Variants in SMC6 observed in about 807,000 individuals in gnomAD.
SMC6 encodes structural maintenance of chromosomes protein 6.
In SMC6, 79 loss-of-function variants were observed where a neutral mutation model predicts 142.2. The observed-to-expected ratio is 0.56, with a 90% CI of 0.46 to 0.67. The LOEUF is 0.67. SMC6 is among the 30% of genes least tolerant of loss of function. The pLI, the probability that SMC6 is intolerant of heterozygous loss-of-function variation, is 0.00. For synonymous variants in SMC6, 411 were observed against 412.4 expected (o/e 1.00, Z 0.04); for missense variants, 1,072 against 1,284.0 (o/e 0.83, Z 2.52).
intron 18 of SMC6, among the ~76,000 whole-genome samples, chr2:17,707,000 G>A (rs931663517): frequency 2.0e-5 from 3 of 152,172 alleles, no homozygotes; most frequent in African/African-American, 7.2e-5. Flanking sequence ...GAGGGAATAC[G>A]TTCTGGATTA....
At chr2:17,668,938 G>A (rs1276286897) in intron 26 of SMC6, among the ~76,000 whole-genome samples, 1 of 152,186 alleles carries the variant, frequency 6.6e-6, no homozygotes, top group Non-Finnish European at 1.5e-5. Context: ...CTGTAGAAAT[G>A]TAAACCTGCC....
chr2:17,733,561 T>C (rs1433015508), intron 5 of SMC6, among the ~76,000 whole-genome samples: 2 of 152,242 alleles, frequency 1.3e-5, no homozygotes, highest in Non-Finnish European at 2.9e-5. Context: ...AATTGTACTA[T>C]CTTTGCAACA....
chr2:17,683,833 CAG>C, intron 23 of SMC6, 70 bp from the exon 24 acceptor site: 1 of 1,405,924 alleles, frequency 7.1e-7, no homozygotes, highest in Admixed American at 1.8e-5. Context: ...GAATCTCAAA[CAG>C]ATTTAACTGG....
intron 20 of SMC6, 149 bp from the exon 21 acceptor site, chr2:17,700,527 C>A: frequency 1.7e-6 from 1 of 579,702 alleles, no homozygotes. Context: ...TATTTTTATA[C>A]TCTTAATGGT....
chr2:17,719,894 G>A (rs978933015), intron 11 of SMC6, among the ~76,000 whole-genome samples: 1 of 152,150 alleles, frequency 6.6e-6, no homozygotes, highest in African/African-American at 2.4e-5. Context: ...CTTGGAGGCA[G>A]ACAGGAAAAA....
Position 17,752,979 on chromosome 2 carries a change from T to A in SMC6, c.-7A>T. The stretch of plus-strand genomic sequence containing the variant: ...CTCTAAGAATTTTCACAGTATTACC[T>A]CAAACCCTATTGGTTCTACAACCTT... On this transcript the variant is annotated splice_region_variant and 5_prime_UTR_variant, in exon 2 of 28. It removes the in-frame stop codon of an upstream open reading frame in the 5' UTR. Transcript: ENST00000448223. 1.0e-6 allele frequency: 1 copy of A among 981,246 alleles called. No homozygotes were observed. The allele number at this position is 981,246 out of a possible 1,614,324, so 60.8% of individuals were successfully genotyped here.
At chr2:17,689,291 T>C (rs1157177860) in intron 23 of SMC6, among the ~76,000 whole-genome samples, 5 of 152,048 alleles carry the variant, frequency 3.3e-5, no homozygotes, top group African/African-American at 1.2e-4. Context: ...CAAAGAGCAT[T>C]CTGTAAAAGA....
At chr2:17,713,815 C>A (rs1385053517) in intron 16 of SMC6, among the ~76,000 whole-genome samples, 1 of 152,222 alleles carries the variant, frequency 6.6e-6, no homozygotes, top group Non-Finnish European at 1.5e-5. Context: ...GCATTTTGCA[C>A]ACAGAATTCT....
intron 26 of SMC6, among the ~76,000 whole-genome samples, chr2:17,668,986 C>T (rs370662227): frequency 1.1e-4 from 17 of 152,244 alleles, no homozygotes; most frequent in African/African-American, 4.1e-4. Flanking sequence ...GAGCCACATG[C>T]AAGCCTGGGA....
At chr2:17,742,522 C>CTT (rs1215372837) in intron 3 of SMC6, among the ~76,000 whole-genome samples, 4 of 152,162 alleles carry the variant, frequency 2.6e-5, no homozygotes, top group Middle Eastern at 6.3e-3. Context: ...GTCACTTGCA[C>CTT]TTTGTAGTTA....
intron 24 of SMC6, chr2:17,681,779 G>GA (rs369336519): frequency 6.6e-6 from 1 of 152,072 alleles, no homozygotes; most frequent in African/African-American, 2.4e-5. Context: ...TAATAATAAT[G>GA]AAAAAGTCTG....
Position 17,726,375 on chromosome 2 carries a change from T to C in SMC6, c.624+14A>G, listed in dbSNP as rs370024880. 104 of 1,596,854 alleles carry C rather than the reference T, an allele frequency of 6.5e-5. No individual in the cohort carries two copies. The highest frequency in any genetic ancestry group is 1.0e-4 in the Admixed American group (6 of 58,704). Reference sequence around the variant, plus strand: ...CTTTTTAAATGGGTTTATATTTACTTTGGTGCCACTTACTTTGTATTTGTC... The same window carrying C: ...CTTTTTAAATGGGTTTATATTTACTCTGGTGCCACTTACTTTGTATTTGTC... On this transcript the variant is annotated intron_variant, in intron 8 of 27. Transcript: ENST00000448223.
In SMC6 at chr2:17,716,760, C is replaced by T. The variant is rs770225535; in HGVS notation, c.1327G>A (p.Glu443Lys). ...ACTTACTTAATTTTGCCATGTTCTTCTTTGTCCTTTTCTATGGCTTGCTGA... is the reference window on the plus strand; with the variant it reads ...ACTTACTTAATTTTGCCATGTTCTTTTTTGTCCTTTTCTATGGCTTGCTGA... ...QFQQAIEKDK[E>K]EHGKIKREEL... Residue 443 changes from glutamate (E) to lysine (K), a missense_variant, in exon 14 of 28, where the codon GAA becomes AAA. By Grantham distance (56) the Glu-to-Lys change is moderately conservative. Around this residue, in one of 3 missense-constraint regions of SMC6, gnomAD observed 994 missense variants for 1,153.2 expected, o/e 0.86. Transcript: ENST00000448223. 2 of 1,606,084 alleles carry T rather than the reference C, an allele frequency of 1.2e-6. No individual in the cohort carries two copies. The highest frequency in any genetic ancestry group is 1.7e-6 in the Non-Finnish European group (2 of 1,178,050).
At chr2:17,712,812 G>A (rs1256399689) in intron 16 of SMC6, among the ~76,000 whole-genome samples, 1 of 152,106 alleles carries the variant, frequency 6.6e-6, no homozygotes, top group African/African-American at 2.4e-5. Context: ...TACAAGGCAG[G>A]TAAAGTTAAC....
chr2:17,716,641 A>AT (rs2124998504), intron 14 of SMC6, 100 bp downstream of exon 14: 1 of 1,191,452 alleles, frequency 8.4e-7, no homozygotes, highest in East Asian at 2.4e-5. Context: ...ATCCCTTATT[A>AT]TGTAGAAGAA....
intron 23 of SMC6, among the ~76,000 whole-genome samples, chr2:17,693,516 A>C (rs1051932123): frequency 3.8e-4 from 58 of 152,000 alleles, no homozygotes; most frequent in African/African-American, 1.3e-3. Context: ...GGACACAGGA[A>C]GGGGAACATC....
At chr2:17,729,045 C>T (rs1337993976) in intron 7 of SMC6, among the ~76,000 whole-genome samples, 1 of 152,022 alleles carries the variant, frequency 6.6e-6, no homozygotes, top group East Asian at 1.9e-4. Context: ...CCACTGCACC[C>T]AGCCCACACA....
chr2:17,670,352 T>A, intron 26 of SMC6, 71 bp downstream of exon 26: 1 of 1,466,716 alleles, frequency 6.8e-7, no homozygotes, highest in Non-Finnish European at 9.3e-7. Flanking sequence ...AAAGAAAGAT[T>A]TCCTTCCTTT....
intron 8 of SMC6, 110 bp downstream of exon 8, chr2:17,726,279 T>C (rs1669621099): frequency 1.4e-6 from 1 of 721,556 alleles, no homozygotes; most frequent in Non-Finnish European, 2.2e-6. Context: ...AATAGATGGC[T>C]TTAAGGAAAA....
Sources: gnomAD v4.1 joint callset for allele counts (sites outside exome capture counted in the v4.1 genomes callset) on GRCh38, gnomAD v4.1.1 for gene constraint, gnomAD v4.1.1 regional missense constraint, MANE v1.5 for transcripts, NCBI Gene and HGNC (gene_info 2026-07-23, HGNC 2026-07-21) for gene names.